PCDH15: variants seen among roughly 807,000 people sequenced by gnomAD.
PCDH15 encodes the protein protocadherin related 15, also known as protocadherin-15.
In PCDH15, 129 loss-of-function variants were observed where a neutral mutation model predicts 178.5. That is an observed-to-expected ratio of 0.72 (90% confidence interval 0.63 to 0.84). The LOEUF (loss-of-function observed/expected upper bound fraction) is 0.84, where lower values mean the gene tolerates loss of function less well. PCDH15 is among the 40% of genes least tolerant of loss of function. The pLI, the probability that PCDH15 is intolerant of heterozygous loss-of-function variation, is 0.00. For synonymous variants in PCDH15, 800 were observed against 732.0 expected (o/e 1.09, Z -1.50); for missense variants, 2,230 against 2,099.9 (o/e 1.06, Z -1.21).
At chr10:55,071,349 C>A (rs1318316307) in intron 2 of PCDH15, among the ~76,000 whole-genome samples, 1 of 152,060 alleles carries the variant, frequency 6.6e-6, no homozygotes, top group South Asian at 2.1e-4. Context: ...ATTCAGGACA[C>A]CCATCTCATG....
Position 54,427,269 on chromosome 10 carries a change from G to GTTTTTTTT in PCDH15, c.158-48335_158-48328dup, listed in dbSNP as rs71007854. On this transcript the variant is annotated intron_variant, in intron 3 of 37. Coordinates refer to ENST00000644397, the MANE Select transcript of PCDH15 (RefSeq NM_001384140.1). ...CCTCTCATTTCTTTCTCTTTTTCTG[G>GTTTTTTTT]TTTTTTTTTTTTTTTTTTTTTTTTT... Among the ~76,000 whole-genome samples, 30 of 56,764 alleles carry GTTTTTTTT rather than the reference G, an allele frequency of 5.3e-4. 2 individuals carry two copies. Among genetic ancestry groups the GTTTTTTTT allele is most frequent in the Non-Finnish European group, 7.7e-4 (23 of 29,718 alleles). The allele number at this position is 56,764 out of a possible 152,430, so 37.2% of individuals were successfully genotyped here.
chr10:54,122,219 A>G (rs577206847), intron 15 of PCDH15, among the ~76,000 whole-genome samples: 244 of 152,134 alleles, frequency 1.6e-3, no homozygotes, highest in Admixed American at 5.5e-3. Context: ...CAACATATAC[A>G]AATCAGTAAA....
chr10:55,453,969 GAAAA>G (rs559292750), intron 2 of PCDH15, among the ~76,000 whole-genome samples: 5 of 151,636 alleles, frequency 3.3e-5, no homozygotes, highest in African/African-American at 1.2e-4. Context: ...CAATAAAAAG[GAAAA>G]AAATGTTTTT....
intron 1 of PCDH15, among the ~76,000 whole-genome samples, chr10:55,251,369 A>C (rs1841831749): frequency 6.6e-6 from 1 of 151,724 alleles, no homozygotes; most frequent in Non-Finnish European, 1.5e-5. Flanking sequence ...CCCCATCCCC[A>C]CCCCAGTCCT....
chr10:55,031,147 C>T (rs138138586), intron 2 of PCDH15, among the ~76,000 whole-genome samples: 105 of 152,218 alleles, frequency 6.9e-4, no homozygotes, highest in African/African-American at 2.4e-3. Context: ...GCAGAAAGAC[C>T]TGAATTTGAA....
upstream of PCDH15, among the ~76,000 whole-genome samples, chr10:54,801,677 C>T (rs1433894762): frequency 6.6e-6 from 1 of 152,092 alleles, no homozygotes; most frequent in African/African-American, 2.4e-5. Flanking sequence ...ATGAAGCCCT[C>T]CACATCTTTG....
intron 3 of PCDH15, among the ~76,000 whole-genome samples, chr10:54,383,733 A>G (rs919697986): frequency 6.6e-6 from 1 of 151,872 alleles, no homozygotes; most frequent in African/African-American, 2.4e-5. Context: ...AAAAAAAAAA[A>G]GAAGAGTATA....
In PCDH15 at chr10:54,185,062, C is replaced by G. The variant is rs1591028006; in HGVS notation, c.1440+72G>C. ...TTTTTTCAGTTTTAACCAGACATCTCTTTCAGTTCCATACAAACATACATA... is the reference window on the plus strand; with the variant it reads ...TTTTTTCAGTTTTAACCAGACATCTGTTTCAGTTCCATACAAACATACATA... On this transcript the variant is annotated intron_variant, in intron 12 of 37. Transcript: ENST00000644397. 61 of 1,561,620 alleles carry G rather than the reference C, an allele frequency of 3.9e-5. No individual in the cohort carries two copies. In the East Asian group the frequency reaches 1.4e-3, roughly 35 times the overall value.
At chr10:55,414,138 T>A (rs1457898037) in intron 2 of PCDH15, among the ~76,000 whole-genome samples, 2 of 151,750 alleles carry the variant, frequency 1.3e-5, no homozygotes, top group East Asian at 3.9e-4. Context: ...AATCATAAAA[T>A]TTTTTTCTTA....
intron 18 of PCDH15, among the ~76,000 whole-genome samples, chr10:54,050,451 T>C (rs868504247): frequency 7.9e-5 from 12 of 152,120 alleles, no homozygotes; most frequent in African/African-American, 2.7e-4. Flanking sequence ...ATTTCCTCTC[T>C]TTTTATTTGT....
intron 15 of PCDH15, among the ~76,000 whole-genome samples, chr10:54,126,052 T>C (rs995051886): frequency 2.0e-5 from 3 of 150,068 alleles, no homozygotes; most frequent in East Asian, 2.0e-4. Context: ...TTTTAGAAAA[T>C]TGGAATAAAA....
chr10:53,825,274 A>G lies in PCDH15; in HGVS notation c.4367+2119T>C, dbSNP rs894688473. ...ACAAACACTTAGTACGTATATCAAA[A>G]AAAAGGCATGTTTTTATATTTTGTT... On this transcript the variant is annotated intron_variant, in intron 32 of 37. Transcript: ENST00000644397. 6 of 1,037,410 alleles carry G rather than the reference A, an allele frequency of 5.8e-6. No individual in the cohort carries two copies. In the East Asian group the frequency reaches 1.2e-4, roughly 22 times the overall value. The allele number at this position is 1,037,410 out of a possible 1,614,324, so 64.3% of individuals were successfully genotyped here. A position where few individuals can be genotyped will look rare whatever the true frequency, so the allele number is the denominator to read the frequency against.
intron 2 of PCDH15, chr10:54,606,325 A>T (rs988637787): frequency 1.3e-5 from 2 of 152,096 alleles, no homozygotes; most frequent in African/African-American, 4.8e-5. Flanking sequence ...GAGAGGTGAG[A>T]ATTGCTGCCA....
At chr10:54,697,705 G>A (rs113890409) in intron 1 of PCDH15, among the ~76,000 whole-genome samples, 38 of 80,070 alleles carry the variant, frequency 4.7e-4, no homozygotes, top group African/African-American at 7.4e-4. Context: ...GGGAGGAAGG[G>A]AGGGAGGAAG....
At chr10:55,389,858 CA>C (rs1255703796) in intron 2 of PCDH15, among the ~76,000 whole-genome samples, 2 of 151,810 alleles carry the variant, frequency 1.3e-5, no homozygotes, top group Non-Finnish European at 2.9e-5. Flanking sequence ...AATAAATATC[CA>C]AAAATCACTT....
Position 54,993,239 on chromosome 10 carries a change from A to C in PCDH15, c.-79-95739T>G, listed in dbSNP as rs146576322. Among the ~76,000 whole-genome samples the C allele has an allele frequency of 1.6e-4, 24 of 152,358 alleles. No individual in the cohort carries two copies. The East Asian group carries it at 4.4e-3, about 28-fold the overall frequency. ...GGCTAAACAAACAATTAAAGACCTC[A>C]AAGTCAGAAGAATAAATAAAGATCT... On this transcript the variant is annotated intron_variant, in intron 2 of 5. Coordinates refer to the PCDH15 transcript ENST00000458638.
chr10:54,793,586 A>G (rs922734200), intron 1 of PCDH15, among the ~76,000 whole-genome samples: 1 of 151,520 alleles, frequency 6.6e-6, no homozygotes, highest in Non-Finnish European at 1.5e-5. Context: ...AAAAATAAAA[A>G]ATTAGAAAAG....
chr10:55,340,013 T>C (rs138433478), intron 2 of PCDH15, among the ~76,000 whole-genome samples: 1 of 151,752 alleles, frequency 6.6e-6, no homozygotes, highest in Non-Finnish European at 1.5e-5. Context: ...CACAATTCTG[T>C]AGAGCATTAT....
intron 27 of PCDH15, among the ~76,000 whole-genome samples, chr10:53,857,728 T>G (rs1251630760): frequency 1.3e-5 from 2 of 152,114 alleles, no homozygotes; most frequent in African/African-American, 4.8e-5. Flanking sequence ...ATAGTTTTCT[T>G]GTCTATTTAA....
Sources: gnomAD v4.1 joint callset for allele counts (sites outside exome capture counted in the v4.1 genomes callset) on GRCh38, gnomAD v4.1.1 for gene constraint, MANE v1.5 for transcripts, NCBI Gene and HGNC (gene_info 2026-07-23, HGNC 2026-07-21) for gene names.